Variants in LOXHD1 observed in about 807,000 individuals in gnomAD.
The protein encoded by LOXHD1 is lipoxygenase homology PLAT domains 1.
Under a neutral mutation model 248.2 loss-of-function variants are expected in LOXHD1, and 205 were observed. The ratio of observed to expected loss-of-function variants is 0.83; its 90% CI spans 0.74 to 0.93. The LOEUF is 0.93. Among genes scored for constraint, LOXHD1 ranks in the 40% least tolerant of loss-of-function variants. The pLI, the probability that LOXHD1 is intolerant of heterozygous loss-of-function variation, is 0.00. For synonymous variants in LOXHD1, 1,113 were observed against 1,162.8 expected, an observed-to-expected ratio of 0.96 and a Z score of 0.87; for missense variants, 2,930 against 2,971.6, an observed-to-expected ratio of 0.99 and a Z score of 0.33.
At chr18:46,609,817 A>G (rs1169621709) in intron 6 of LOXHD1, among the ~76,000 whole-genome samples, 3 of 152,218 alleles carry the variant, frequency 2.0e-5, no homozygotes, top group Admixed American at 6.5e-5. Flanking sequence ...AGAAGGGATT[A>G]CAGGTAAGCA....
chr18:46,498,606 G>A (rs1250267445), intron 37 of LOXHD1, among the ~76,000 whole-genome samples: 1 of 152,136 alleles, frequency 6.6e-6, no homozygotes, highest in African/African-American at 2.4e-5. Context: ...TCCTCAGCTT[G>A]TCACTGCTAT....
At chr18:46,607,410 C>T (rs1045367551) in intron 6 of LOXHD1, among the ~76,000 whole-genome samples, 2 of 148,454 alleles carry the variant, frequency 1.3e-5, no homozygotes, top group East Asian at 3.9e-4. Flanking sequence ...TACATATATA[C>T]ATATATATGG....
chr18:46,491,211 C>T lies in LOXHD1; in HGVS notation c.5879-2069G>A, dbSNP rs574946665. ...CACACAAACAGATTCTACTATCCAGCTCTTAGAGAGTTTGATTGCTACAGA... is the reference window on the plus strand; with the variant it reads ...CACACAAACAGATTCTACTATCCAGTTCTTAGAGAGTTTGATTGCTACAGA... On this transcript the variant is annotated intron_variant, in intron 37 of 40. Transcript: ENST00000642948. 1.8e-4 allele frequency among the ~76,000 whole-genome samples: 27 copies of T among 152,330 alleles called. No homozygotes were observed. In the South Asian group the frequency reaches 5.6e-3, roughly 32 times the overall value.
chr18:46,577,393 GAACT>G (rs2037878278), intron 14 of LOXHD1, among the ~76,000 whole-genome samples: 5 of 152,282 alleles, frequency 3.3e-5, no homozygotes, highest in South Asian at 2.1e-4. Context: ...CTAACTCTCT[GAACT>G]AACTTTCACC....
intron 37 of LOXHD1, among the ~76,000 whole-genome samples, chr18:46,489,793 T>A (rs892463602): frequency 1.3e-5 from 2 of 152,180 alleles, no homozygotes; most frequent in African/African-American, 4.8e-5. Context: ...AGGGAGTAGG[T>A]CTTACTTGTT....
At chr18:46,639,892 A>C in intron 3 of LOXHD1, 92 bp from the exon 4 acceptor site, 1 of 1,426,302 alleles carries the variant, frequency 7.0e-7, no homozygotes, top group Non-Finnish European at 9.6e-7. Context: ...CTCCAAAGAG[A>C]GGTCCAATTA....
Position 46,524,923 on chromosome 18 carries a change from G to A in LOXHD1, c.4531-6C>T, listed in dbSNP as rs1178078540. On this transcript the variant is annotated splice_region_variant and splice_polypyrimidine_tract_variant and intron_variant, in intron 29 of 40. Coordinates refer to ENST00000642948, the MANE Select transcript of LOXHD1 (RefSeq NM_001384474.1). Reference sequence around the variant, plus strand: ...TCGATGATGAAGGTGTCAGCCTGGGGAGCCCAGATGTGGGGACTCATATGG... The same window carrying A: ...TCGATGATGAAGGTGTCAGCCTGGGAAGCCCAGATGTGGGGACTCATATGG... 1.3e-6 allele frequency: 2 copies of A among 1,551,594 alleles called. No homozygotes were observed. Among genetic ancestry groups the A allele is most frequent in the East Asian group, 4.9e-5 (2 of 40,918 alleles).
intron 22 of LOXHD1, among the ~76,000 whole-genome samples, chr18:46,545,623 A>ATTTTTTT (rs1555676193): frequency 3.4e-4 from 29 of 86,014 alleles, no homozygotes; most frequent in African/African-American, 4.6e-4. Flanking sequence ...CCTCTTGGCC[A>ATTTTTTT]TTTCTTTTTT....
At chr18:46,478,225 G>A (rs990208730) in intron 40 of LOXHD1, among the ~76,000 whole-genome samples, 2 of 151,932 alleles carry the variant, frequency 1.3e-5, no homozygotes, top group Admixed American at 6.6e-5. Context: ...AGCAAATCCT[G>A]TTGACTTTAT....
Position 46,491,717 on chromosome 18 carries a change from C to T in LOXHD1, c.5879-2575G>A, listed in dbSNP as rs139326836. On this transcript the variant is annotated intron_variant, in intron 37 of 40. Transcript: ENST00000642948. Reference sequence around the variant, plus strand: ...GTTTTCACTACACAATTACACTTTCCGGGCTCCAGCCAGAATGGTGACAGA... The same window carrying T: ...GTTTTCACTACACAATTACACTTTCTGGGCTCCAGCCAGAATGGTGACAGA... Among the ~76,000 whole-genome samples, 405 of 152,296 alleles carry T rather than the reference C, an allele frequency of 2.7e-3. 1 individual carries two copies. Among genetic ancestry groups the T allele is most frequent in the African/African-American group, 8.2e-3 (340 of 41,556 alleles).
At position 46,521,283 on chromosome 18, in the gene LOXHD1, C is replaced by G; in HGVS notation, c.5086-1G>C. ...CAGGGGAGGCCCCGTCATGGCCCAG[C>G]TAGGAGGAGACACACCTGATCTGTG... On this transcript the variant is annotated splice_acceptor_variant, in intron 32 of 40. Coordinates refer to ENST00000642948, the MANE Select transcript of LOXHD1 (RefSeq NM_001384474.1). LOFTEE classifies it high-confidence loss of function. The G allele has an allele frequency of 1.3e-6, 2 of 1,551,646 alleles. No individual in the cohort carries two copies. The highest frequency in any genetic ancestry group is 2.4e-5 in the East Asian group (1 of 40,914).
chr18:46,479,772 A>AC (rs1385061177), intron 40 of LOXHD1, among the ~76,000 whole-genome samples: 5 of 151,322 alleles, frequency 3.3e-5, no homozygotes, highest in East Asian at 3.9e-4. Context: ...AGAAAAAAAA[A>AC]AAAACAAAAA....
chr18:46,637,117 G>C (rs563955564), intron 4 of LOXHD1, among the ~76,000 whole-genome samples: 12 of 152,276 alleles, frequency 7.9e-5, no homozygotes, highest in African/African-American at 2.6e-4. Context: ...TTGCACTCCA[G>C]CCTGGGCAAC....
At chr18:46,648,356 G>C (rs1313782291) in intron 2 of LOXHD1, among the ~76,000 whole-genome samples, 1 of 152,222 alleles carries the variant, frequency 6.6e-6, no homozygotes, top group Non-Finnish European at 1.5e-5. Context: ...CCATGACTCT[G>C]AGCTACTCAT....
At chr18:46,620,309 G>T (rs1250230842) in intron 4 of LOXHD1, among the ~76,000 whole-genome samples, 2 of 152,158 alleles carry the variant, frequency 1.3e-5, no homozygotes, top group Non-Finnish European at 2.9e-5. Flanking sequence ...CCCTCTTCAG[G>T]GTGGCAAGAT....
rs1215109986 is a variant in LOXHD1, at chr18:46,641,955, C to T, written c.326+1G>A. On this transcript the variant is annotated splice_donor_variant, in intron 3 of 40. Coordinates refer to ENST00000642948, the MANE Select transcript of LOXHD1 (RefSeq NM_001384474.1). LOFTEE classifies it high-confidence loss of function. ...ATCCTAGTCAGGCGCCAGCTTCTCA[C>T]CTGACTTTATAGATGAGGCCCACAT... is the stretch of plus-strand genomic sequence containing the variant. 6.4e-6 allele frequency: 10 copies of T among 1,551,520 alleles called. No individual in the cohort carries two copies. Among genetic ancestry groups the T allele is most frequent in the Non-Finnish European group, 8.7e-6 (10 of 1,146,628 alleles).
At chr18:46,591,869 GC>G in intron 12 of LOXHD1, 63 bp downstream of exon 12, 1 of 1,539,704 alleles carries the variant, frequency 6.5e-7, no homozygotes, top group Non-Finnish European at 8.8e-7. Context: ...CATAGGTCAG[GC>G]CCATCGGGAC....
At chr18:46,588,435 C>A (rs940718507) in intron 12 of LOXHD1, among the ~76,000 whole-genome samples, 1 of 152,148 alleles carries the variant, frequency 6.6e-6, no homozygotes, top group Non-Finnish European at 1.5e-5. Context: ...AACAAAAAAA[C>A]ACCAGCTAGG....
chr18:46,498,303 T>G (rs2034004940), intron 37 of LOXHD1, among the ~76,000 whole-genome samples: 1 of 152,180 alleles, frequency 6.6e-6, no homozygotes, highest in Admixed American at 6.5e-5. Context: ...CCAGTGGCCT[T>G]GAATATTTTC....
Sources: gnomAD v4.1 joint callset for allele counts (sites outside exome capture counted in the v4.1 genomes callset) on GRCh38, gnomAD v4.1.1 for gene constraint, MANE v1.5 for transcripts, NCBI Gene and HGNC (gene_info 2026-07-23, HGNC 2026-07-21) for gene names.